XRN1: variants seen among roughly 807,000 people sequenced by gnomAD.
XRN1 encodes 5'-3' exoribonuclease 1.
Under a neutral mutation model 222.3 loss-of-function variants are expected in XRN1, and 67 were observed. The observed-to-expected ratio is 0.30, with a 90% CI of 0.25 to 0.37. The LOEUF is 0.37. XRN1 is among the 10% of genes least tolerant of loss of function. The probability of loss-of-function intolerance (pLI) is 1.00; values close to 1 mark genes in which losing one functional copy is unlikely to be tolerated. For missense variants in XRN1, 1,707 were observed against 2,000.2 expected (o/e 0.85, Z 2.80); for synonymous variants, 643 against 652.4 (o/e 0.99, Z 0.22).
chr3:142,408,090 C>T (rs1406816038), intron 15 of XRN1, among the ~76,000 whole-genome samples: 4 of 152,366 alleles, frequency 2.6e-5, no homozygotes, highest in Middle Eastern at 3.4e-3. Flanking sequence ...ACACCGCTGT[C>T]TAGTTTCTCC....
chr3:142,365,094 A>T lies in XRN1; in HGVS notation c.3347T>A (p.Phe1116Tyr). ...FDRVVNVREN[F>Y]SVPVGLRGTI... ...GCCTCGAAGGCCAACTGGAACTGAG[A>T]AGTTTTCTCTCACATTTACAACACG... The change falls in exon 29 of 41, where the codon TTC becomes TAC. Residue 1116 changes from phenylalanine (F) to tyrosine (Y), a missense_variant. This residue lies in a region of XRN1 where 1,234 missense variants were observed against 1,518.2 expected (regional missense o/e 0.81). Coordinates refer to ENST00000392981, the MANE Select transcript of XRN1 (RefSeq NM_001282857.2). 6.2e-7 allele frequency: 1 copy of T among 1,613,532 alleles called. No individual in the cohort carries two copies. Among genetic ancestry groups the T allele is most frequent in the East Asian group, 2.2e-5 (1 of 44,772 alleles).
At chr3:142,338,474 T>C (rs1461108879) in intron 33 of XRN1, among the ~76,000 whole-genome samples, 1 of 152,112 alleles carries the variant, frequency 6.6e-6, no homozygotes, top group Non-Finnish European at 1.5e-5. Context: ...AGTATCCATG[T>C]GCCTTCGATA....
intron 8 of XRN1, among the ~76,000 whole-genome samples, chr3:142,422,309 A>G (rs188581205): frequency 6.6e-6 from 1 of 152,328 alleles, no homozygotes; most frequent in Admixed American, 6.5e-5. Flanking sequence ...TGGGCAACAG[A>G]GCAAGACCCC....
At chr3:142,347,180 T>C in intron 33 of XRN1, 54 bp downstream of exon 33, 1 of 1,197,366 alleles carries the variant, frequency 8.4e-7, no homozygotes, top group Non-Finnish European at 1.2e-6. Context: ...AAATGTTTAT[T>C]TTTTTAAAAA....
rs1298026402 is a variant in XRN1 at position 142,335,422 on chromosome 3, AGAAATTTGATTTTAAG to A, written c.3939+10_3939+25del. The A allele has an allele frequency of 6.2e-7, 1 of 1,609,538 alleles. No individual in the cohort carries two copies. The highest frequency in any genetic ancestry group is 2.2e-5 in the East Asian group (1 of 44,804). On this transcript the variant is annotated intron_variant, in intron 34 of 40. Coordinates refer to ENST00000392981, the MANE Select transcript of XRN1 (RefSeq NM_001282857.2). Reference sequence around the variant, plus strand: ...CAATTGCATTAAAAAATTGGTAACTAGAAATTTGATTTTAAGGAAGCTTACCTGCTTATTGGACATT... The same window carrying A: ...CAATTGCATTAAAAAATTGGTAACTAGAAGCTTACCTGCTTATTGGACATT...
intron 20 of XRN1, among the ~76,000 whole-genome samples, chr3:142,386,193 TGATATCA>T (rs1001196596): frequency 1.2e-4 from 19 of 152,002 alleles, no homozygotes; most frequent in Non-Finnish European, 2.5e-4. Context: ...CCAGTAATCT[TGATATCA>T]ACAGCTGACC....
At chr3:142,437,775 A>T (rs1033538648) in intron 1 of XRN1, among the ~76,000 whole-genome samples, 1 of 152,162 alleles carries the variant, frequency 6.6e-6, no homozygotes, top group African/African-American at 2.4e-5. Flanking sequence ...AATGGAAGAA[A>T]TGTATTTGCA....
At chr3:142,445,854 A>C (rs1577471591) in intron 1 of XRN1, among the ~76,000 whole-genome samples, 1 of 151,946 alleles carries the variant, frequency 6.6e-6, no homozygotes, top group Admixed American at 6.5e-5. Context: ...AGTGAATAAA[A>C]CTCCTCTGTT....
chr3:142,438,589 A>C (rs564579256), intron 1 of XRN1, among the ~76,000 whole-genome samples: 6 of 152,244 alleles, frequency 3.9e-5, no homozygotes, highest in African/African-American at 1.4e-4. Context: ...CTCCCCCACA[A>C]GGCAAAAACG....
chr3:142,346,566 C>T (rs747926190), intron 33 of XRN1, among the ~76,000 whole-genome samples: 11 of 151,934 alleles, frequency 7.2e-5, no homozygotes, highest in African/African-American at 1.4e-4. Context: ...CTGCAACCTC[C>T]GCCCCCCAGG....
chr3:142,365,179 G>A lies in XRN1; in HGVS notation c.3262C>T (p.Pro1088Ser). Residue 1088 changes from proline (P) to serine (S), a missense_variant and splice_region_variant, in exon 29 of 41, where the codon CCT becomes TCT. By Grantham distance (74) the Pro-to-Ser change is moderately conservative. Transcript: ENST00000392981. ...ATGACTCCATGTTGCTGTTCTAAAG[G>A]CTGAAGAGAAGAAAGCTATTAATTA... is the stretch of plus-strand genomic sequence containing the variant. ...VTVKPHLLYR[P>S]LEQQHGVIPD... The A allele has an allele frequency of 6.2e-7, 1 of 1,603,562 alleles. No homozygotes were observed. Among genetic ancestry groups the A allele is most frequent in the Non-Finnish European group, 8.5e-7 (1 of 1,176,696 alleles).
At chr3:142,343,619 T>C (rs922399405) in intron 33 of XRN1, among the ~76,000 whole-genome samples, 5 of 152,174 alleles carry the variant, frequency 3.3e-5, no homozygotes, top group Non-Finnish European at 4.4e-5. Context: ...AAGGTACCCC[T>C]GTATACTGTT....
At chr3:142,445,426 T>G (rs1416820694) in intron 1 of XRN1, among the ~76,000 whole-genome samples, 2 of 152,238 alleles carry the variant, frequency 1.3e-5, no homozygotes, top group African/African-American at 4.8e-5. Flanking sequence ...ATAATAACTT[T>G]GTATGTAATT....
chr3:142,373,569 G>A (rs2067050002), intron 25 of XRN1, among the ~76,000 whole-genome samples: 1 of 152,096 alleles, frequency 6.6e-6, no homozygotes, highest in Non-Finnish European at 1.5e-5. Context: ...CACCAGTAAA[G>A]GAAAGGTGCT....
Position 142,375,963 on chromosome 3 carries a change from T to C in XRN1, c.2832-19A>G, listed in dbSNP as rs769568409. The C allele has an allele frequency of 8.2e-6, 13 of 1,576,988 alleles. No individual in the cohort carries two copies. Among genetic ancestry groups the C allele is most frequent in the Middle Eastern group, 1.7e-4 (1 of 5,926 alleles). ...ATGAGGGCTGAATTTAAACCACACA[T>C]GCGCACACGTGCACACACACACACA... On this transcript the variant is annotated intron_variant, in intron 24 of 40. Coordinates refer to ENST00000392981, the MANE Select transcript of XRN1 (RefSeq NM_001282857.2).
At chr3:142,444,222 A>T (rs1164350999) in intron 1 of XRN1, among the ~76,000 whole-genome samples, 3 of 152,236 alleles carry the variant, frequency 2.0e-5, no homozygotes, top group Non-Finnish European at 4.4e-5. Flanking sequence ...AGGCGGGCAG[A>T]TCACTTGAGC....
Position 142,421,628 on chromosome 3 carries a change from A to G in XRN1, c.968-85T>C, listed in dbSNP as rs2069038347. 9.9e-6 allele frequency: 10 copies of G among 1,014,054 alleles called. No individual in the cohort carries two copies. In the South Asian group the frequency reaches 1.6e-4, roughly 16 times the overall value. The allele number at this position is 1,014,054 out of a possible 1,614,324, so 62.8% of individuals were successfully genotyped here. On this transcript the variant is annotated intron_variant, in intron 8 of 40. Coordinates refer to ENST00000392981, the MANE Select transcript of XRN1 (RefSeq NM_001282857.2). ...ACAAAACTCTTTCTACAAAATGTTG[A>G]ATGTTCATGTTCTACAGTACTAATC...
rs146411046 is a variant in XRN1 at position 142,386,997 on chromosome 3, A to C, written c.2340-2312T>G. 3.3e-5 allele frequency among the ~76,000 whole-genome samples: 5 copies of C among 152,004 alleles called. No individual in the cohort carries two copies. In the East Asian group the frequency reaches 9.7e-4, roughly 29 times the overall value. ...TACTCTTAGATATATACCCAAAAGG[A>C]ATGCATAGACATATACCCAAAAGGA... On this transcript the variant is annotated intron_variant, in intron 20 of 40. Transcript: ENST00000392981.
At chr3:142,348,819 T>C (rs2066224259) in intron 32 of XRN1, among the ~76,000 whole-genome samples, 1 of 152,212 alleles carries the variant, frequency 6.6e-6, no homozygotes, top group South Asian at 2.1e-4. Flanking sequence ...TTATTTTTTT[T>C]GTAGAGACAG....
Sources: allele counts gnomAD v4.1 joint callset (sites outside exome capture counted in the v4.1 genomes callset), GRCh38; gene constraint gnomAD v4.1.1; regional missense constraint gnomAD v4.1.1; transcripts MANE v1.5; gene names NCBI Gene and HGNC (gene_info 2026-07-23, HGNC 2026-07-21).